The following VIPR2 variants were observed in gnomAD, a reference collection of about 807,000 sequenced individuals.
VIPR2 encodes vasoactive intestinal peptide receptor 2.
In VIPR2, 48 loss-of-function variants were observed where a neutral mutation model predicts 58.0. That is an observed-to-expected ratio of 0.83 (90% CI 0.66 to 1.05). VIPR2 has a LOEUF of 1.05. Ranked by LOEUF, VIPR2 falls within the 50% of genes least tolerant of loss-of-function variation. The pLI is 0.00. For synonymous variants in VIPR2, 243 were observed against 235.2 expected (o/e 1.03, Z -0.30); for missense variants, 534 against 558.0 (o/e 0.96, Z 0.43).
chr7:159,135,071 T>C (rs912459267), intron 2 of VIPR2, among the ~76,000 whole-genome samples: 1 of 147,842 alleles, frequency 6.8e-6, no homozygotes, highest in Non-Finnish European at 1.5e-5. Context: ...TGATTTTGTG[T>C]TTTATCAGGA....
intron 2 of VIPR2, 31 bp downstream of exon 2, chr7:159,142,415 G>T (rs1563363192): frequency 6.5e-7 from 1 of 1,538,696 alleles, no homozygotes; most frequent in Non-Finnish European, 9.0e-7. Context: ...GAATGTCACG[G>T]GAGTTCTTAC....
chr7:159,136,156 A>C (rs1346233287), intron 2 of VIPR2, among the ~76,000 whole-genome samples: 1 of 152,192 alleles, frequency 6.6e-6, no homozygotes, highest in Non-Finnish European at 1.5e-5. Flanking sequence ...GGATAAATCC[A>C]GGGTCGAGTG....
chr7:159,130,446 T>C (rs1796853904), intron 2 of VIPR2, among the ~76,000 whole-genome samples: 1 of 58,956 alleles, frequency 1.7e-5, no homozygotes, highest in South Asian at 1.1e-3. Context: ...GATTGGCCTT[T>C]TGAGATATCT....
At chr7:159,138,060 T>C (rs3812311) in intron 2 of VIPR2, among the ~76,000 whole-genome samples, 48,984 of 152,160 alleles carry the variant, frequency 0.32, 9,976 homozygotes, top group African/African-American at 0.58. Flanking sequence ...CTGCCTTGAA[T>C]ATCTGCTGAG....
Position 159,099,554 on chromosome 7 carries a change from G to C in VIPR2, c.357+4203C>G, listed in dbSNP as rs990415704. ...CTGGGGCTCAGAAAGGAGGTTCCCA[G>C]GGAATGCTTATTGAATAAAGGAAGG... On this transcript the variant is annotated intron_variant, in intron 4 of 12. Transcript: ENST00000262178. The surrounding 1 kb of genome is among the most constrained non-coding windows in gnomAD (Gnocchi z 4.2). 2.0e-5 allele frequency among the ~76,000 whole-genome samples: 3 copies of C among 152,190 alleles called. No homozygotes were observed. Among genetic ancestry groups the C allele is most frequent in the African/African-American group, 7.2e-5 (3 of 41,438 alleles).
chr7:159,095,430 A>T lies in VIPR2; in HGVS notation c.357+8327T>A, dbSNP rs145813091. On this transcript the variant is annotated intron_variant, in intron 4 of 12. Transcript: ENST00000262178. This position sits in a 1 kb window ranked among gnomAD's most constrained non-coding sequence, Gnocchi z 5.2. ...CTGTTCTTGCAACTAACTTCAAAACAGCTGCTAAGAAAGATACAGCAGAGA... is the reference window on the plus strand; with the variant it reads ...CTGTTCTTGCAACTAACTTCAAAACTGCTGCTAAGAAAGATACAGCAGAGA... 7.7e-4 allele frequency among the ~76,000 whole-genome samples: 118 copies of T among 152,346 alleles called. No individual in the cohort carries two copies. The highest frequency in any genetic ancestry group is 2.6e-3 in the African/African-American group (110 of 41,586).
intron 2 of VIPR2, among the ~76,000 whole-genome samples, chr7:159,112,929 G>A (rs531077919): frequency 3.0e-4 from 45 of 152,128 alleles, no homozygotes; most frequent in African/African-American, 1.1e-3. Context: ...GCGCCTTCCT[G>A]GGGCCAGATC....
At chr7:159,043,288 A>G in intron 5 of VIPR2, 112 bp from the exon 6 acceptor site, 1 of 989,208 alleles carries the variant, frequency 1.0e-6, no homozygotes, top group Non-Finnish European at 1.4e-6. Context: ...ACAGAAAAAT[A>G]AAAGAGTTGA....
intron 4 of VIPR2, among the ~76,000 whole-genome samples, chr7:159,085,327 G>A (rs1585447858): frequency 6.6e-6 from 1 of 152,264 alleles, no homozygotes; most frequent in East Asian, 1.9e-4. Flanking sequence ...ACGGAGCCTT[G>A]CTCTGTCACC....
intron 4 of VIPR2, among the ~76,000 whole-genome samples, chr7:159,070,541 C>T (rs572115328): frequency 9.9e-5 from 15 of 152,192 alleles, no homozygotes; most frequent in African/African-American, 2.4e-4. Context: ...CATTCATGGA[C>T]GCTTAATAGG....
chr7:159,137,000 G>C (rs1397169367), intron 2 of VIPR2, among the ~76,000 whole-genome samples: 1 of 152,132 alleles, frequency 6.6e-6, no homozygotes, highest in Non-Finnish European at 1.5e-5. Context: ...AAGGCAGAGA[G>C]GTATGCACCA....
chr7:159,040,273 G>A (rs1046349580), intron 6 of VIPR2, among the ~76,000 whole-genome samples: 3 of 152,222 alleles, frequency 2.0e-5, no homozygotes, highest in East Asian at 1.9e-4. Flanking sequence ...GAGGAACCCC[G>A]GCCAGGAGAC....
intron 4 of VIPR2, among the ~76,000 whole-genome samples, chr7:159,083,028 G>T (rs1463698335): frequency 6.6e-6 from 1 of 152,164 alleles, no homozygotes; most frequent in Non-Finnish European, 1.5e-5. Flanking sequence ...TAGAGCAGAA[G>T]GGCAAGAGCT....
chr7:159,141,496 A>G (rs1797463785), intron 2 of VIPR2, among the ~76,000 whole-genome samples: 1 of 152,264 alleles, frequency 6.6e-6, no homozygotes, highest in African/African-American at 2.4e-5. Flanking sequence ...GGACCTTGAA[A>G]TGGGGCCCAA....
intron 5 of VIPR2, among the ~76,000 whole-genome samples, chr7:159,050,364 A>G (rs1296660524): frequency 6.6e-6 from 1 of 150,864 alleles, no homozygotes; most frequent in Non-Finnish European, 1.5e-5. Flanking sequence ...CAAAAAAAAA[A>G]ACAAAAAAAA....
chr7:159,065,609 A>G (rs901229804), intron 4 of VIPR2, among the ~76,000 whole-genome samples: 1 of 152,178 alleles, frequency 6.6e-6, no homozygotes, highest in African/African-American at 2.4e-5. Flanking sequence ...GTACAATAAC[A>G]TTTTTTATGA....
chr7:159,069,461 A>G (rs1459090294), intron 4 of VIPR2, among the ~76,000 whole-genome samples: 2 of 152,184 alleles, frequency 1.3e-5, no homozygotes, highest in African/African-American at 4.8e-5. Flanking sequence ...AGAACTTTCC[A>G]GACCCACCAC....
At chr7:159,036,656 G>C in intron 7 of VIPR2, 96 bp downstream of exon 7, 1 of 1,438,694 alleles carries the variant, frequency 7.0e-7, no homozygotes, top group South Asian at 1.4e-5. Flanking sequence ...TGCATTCTAC[G>C]GGGGCGGCAA....
At chr7:159,085,130 G>T (rs1440130485) in intron 4 of VIPR2, among the ~76,000 whole-genome samples, 1 of 152,192 alleles carries the variant, frequency 6.6e-6, no homozygotes, top group Non-Finnish European at 1.5e-5. Context: ...TGAAGCATCA[G>T]ATTCTACAAG....
Sources: gnomAD v4.1 joint callset for allele counts (sites outside exome capture counted in the v4.1 genomes callset) on GRCh38, gnomAD v4.1.1 for gene constraint, Gnocchi (gnomAD v3.1) non-coding constraint, MANE v1.5 for transcripts, NCBI Gene and HGNC (gene_info 2026-07-23, HGNC 2026-07-21) for gene names.